TP53BP1: variants seen among roughly 807,000 people sequenced by gnomAD.
TP53BP1 encodes TP53-binding protein 1.
In TP53BP1, 61 loss-of-function variants were observed where a neutral mutation model predicts 200.8. That is an observed-to-expected ratio of 0.30 (90% CI 0.25 to 0.38). TP53BP1 has a LOEUF of 0.38. TP53BP1 is among the 10% of genes least tolerant of loss of function. TP53BP1 has a pLI of 1.00. For missense variants in TP53BP1, 2,144 were observed against 2,371.9 expected, an observed-to-expected ratio of 0.90 and a Z score of 2.00; for synonymous variants, 822 against 844.3, an observed-to-expected ratio of 0.97 and a Z score of 0.46.
At chr15:43,479,772 G>A in intron 6 of TP53BP1, 87 bp downstream of exon 6, 1 of 1,480,432 alleles carries the variant, frequency 6.8e-7, no homozygotes, top group Non-Finnish European at 9.2e-7. Context: ...AATTTGGATA[G>A]CTGCAAAACT....
chr15:43,439,370 C>T (rs182735799), intron 15 of TP53BP1, among the ~76,000 whole-genome samples: 9 of 152,288 alleles, frequency 5.9e-5, no homozygotes, highest in Admixed American at 5.9e-4. Context: ...GAAACCCCAT[C>T]TCTACTAAAA....
At chr15:43,459,337 CA>C (rs1297684155) in intron 11 of TP53BP1, among the ~76,000 whole-genome samples, 1 of 150,084 alleles carries the variant, frequency 6.7e-6, no homozygotes, top group Admixed American at 6.6e-5. Flanking sequence ...AGTCTGTCTC[CA>C]AAAAAAAGAT....
In TP53BP1 at chr15:43,421,035, T is replaced by G. The variant is rs895881796; in HGVS notation, c.4240A>C (p.Thr1414Pro). The change falls in exon 20 of 28, where the codon ACT becomes CCT. Residue 1414 changes from threonine (T) to proline (P), a missense_variant. This residue lies in a region of TP53BP1 where 1,700 missense variants were observed against 1,710.3 expected (regional missense o/e 0.99). Coordinates refer to ENST00000382044, the MANE Select transcript of TP53BP1 (RefSeq NM_001141980.3). The stretch of plus-strand genomic sequence containing the variant: ...ACACTACCCAGGTACCTGGTTCCAG[T>G]GGTCCGAGAAGGTGGGCGGCCCCTT... ...GRRGRPPSRT[T>P]GTRETAVPGP... is the part of the protein sequence containing the mutation. The G allele has an allele frequency of 7.4e-6, 12 of 1,612,634 alleles. No individual in the cohort carries two copies. The highest frequency in any genetic ancestry group is 1.0e-5 in the Non-Finnish European group (12 of 1,179,532).
chr15:43,450,269 C>T (rs753968177), intron 12 of TP53BP1, among the ~76,000 whole-genome samples: 66 of 152,308 alleles, frequency 4.3e-4, no homozygotes, highest in Admixed American at 2.2e-3. Flanking sequence ...GAAGGTCTCT[C>T]CTAACTTTCT....
rs766706895 is a variant in TP53BP1, at chr15:43,477,573, C to T, written c.955+20G>A. Reference sequence around the variant, plus strand: ...TTAGATCTTTGGAGAAGAGCTGTAACGACAAATCACTCTTGGTACCTGTTT... The same window carrying T: ...TTAGATCTTTGGAGAAGAGCTGTAATGACAAATCACTCTTGGTACCTGTTT... On this transcript the variant is annotated intron_variant, in intron 8 of 27. Transcript: ENST00000382044. The T allele has an allele frequency of 1.1e-5, 18 of 1,588,756 alleles. No individual in the cohort carries two copies. The highest frequency in any genetic ancestry group is 2.3e-5 in the South Asian group (2 of 86,350).
rs559743459 is a variant in TP53BP1, at chr15:43,460,683, A to G, written c.1390-3465T>C. 3.9e-5 allele frequency among the ~76,000 whole-genome samples: 6 copies of G among 152,292 alleles called. No individual in the cohort carries two copies. In the South Asian group the frequency reaches 1.2e-3, roughly 32 times the overall value. Reference sequence around the variant, plus strand: ...TTTATCCTATCAGATTGTAACAATGATCCTAAGTTTGAATCTGTTCATATA... The same window carrying G: ...TTTATCCTATCAGATTGTAACAATGGTCCTAAGTTTGAATCTGTTCATATA... On this transcript the variant is annotated intron_variant, in intron 11 of 27. Coordinates refer to ENST00000382044, the MANE Select transcript of TP53BP1 (RefSeq NM_001141980.3).
At chr15:43,410,045 C>G (rs1212143961) in intron 24 of TP53BP1, among the ~76,000 whole-genome samples, 1 of 152,218 alleles carries the variant, frequency 6.6e-6, no homozygotes, top group Non-Finnish European at 1.5e-5. Context: ...AATCATTTCC[C>G]ACAGTGACAT....
At chr15:43,425,048 T>A (rs1422228685) in intron 18 of TP53BP1, among the ~76,000 whole-genome samples, 1 of 152,220 alleles carries the variant, frequency 6.6e-6, no homozygotes, top group Non-Finnish European at 1.5e-5. Context: ...CCCCTGGCAA[T>A]GTGATACCCT....
intron 7 of TP53BP1, 124 bp from the exon 8 acceptor site, chr15:43,477,883 T>C (rs2078907541): frequency 4.5e-6 from 3 of 663,332 alleles, no homozygotes; most frequent in Non-Finnish European, 7.1e-6. Flanking sequence ...CTAATTTACA[T>C]AATTATATAT....
At chr15:43,498,997 T>A (rs756253813) in intron 1 of TP53BP1, among the ~76,000 whole-genome samples, 3 of 151,536 alleles carry the variant, frequency 2.0e-5, no homozygotes, top group Non-Finnish European at 4.4e-5. Context: ...AAGTTCATTT[T>A]GCAAATTAAA....
chr15:43,447,925 A>G (rs2046080830), intron 12 of TP53BP1, among the ~76,000 whole-genome samples: 1 of 152,244 alleles, frequency 6.6e-6, no homozygotes. Context: ...AGTCTGTAGG[A>G]TTCTCCAAAG....
In TP53BP1 at chr15:43,456,432, T is replaced by C. The variant is rs757011517; in HGVS notation, c.2176A>G (p.Ser726Gly). 6.3e-7 allele frequency: 1 copy of C among 1,577,670 alleles called. No individual in the cohort carries two copies. Among genetic ancestry groups the C allele is most frequent in the African/African-American group, 1.4e-5 (1 of 73,378 alleles). The change falls in exon 12 of 28, where the codon AGT becomes GGT. Residue 726 changes from serine to glycine, a missense_variant. Ser to Gly is a moderately conservative substitution (Grantham distance 56, BLOSUM62 0). This residue lies in a region of TP53BP1 where 1,700 missense variants were observed against 1,710.3 expected (regional missense o/e 0.99). Coordinates refer to ENST00000382044, the MANE Select transcript of TP53BP1 (RefSeq NM_001141980.3). The stretch of plus-strand genomic sequence containing the variant: ...TGAGGGGAATCAATACTAATCACAC[T>C]GGTTTCAACTTCCATAGCTTCTGAG... ...ECSEAMEVETSVISIDSPQKL... is the reference protein window; with the variant it reads ...ECSEAMEVETGVISIDSPQKL...
intron 24 of TP53BP1, among the ~76,000 whole-genome samples, chr15:43,410,577 G>T (rs2045085290): frequency 6.6e-6 from 1 of 150,984 alleles, no homozygotes; most frequent in Non-Finnish European, 1.5e-5. Context: ...GAAAAGAAAA[G>T]CAAGACATTA....
intron 11 of TP53BP1, among the ~76,000 whole-genome samples, chr15:43,468,164 C>T (rs934482514): frequency 2.0e-5 from 3 of 151,676 alleles, no homozygotes; most frequent in African/African-American, 7.3e-5. Flanking sequence ...GGTTCAAATG[C>T]TCCTCCCACC....
chr15:43,425,927 C>T (rs890569011), intron 18 of TP53BP1, among the ~76,000 whole-genome samples: 8 of 151,686 alleles, frequency 5.3e-5, no homozygotes, highest in East Asian at 2.0e-4. Flanking sequence ...TAGCCGGGCG[C>T]GGTGGCGGGC....
intron 14 of TP53BP1, among the ~76,000 whole-genome samples, chr15:43,443,563 G>A (rs938850151): frequency 6.6e-6 from 1 of 151,928 alleles, no homozygotes; most frequent in African/African-American, 2.4e-5. Context: ...ATGGGTGGTG[G>A]GCGTGCCTGT....
At chr15:43,465,382 G>T (rs1034522480) in intron 11 of TP53BP1, among the ~76,000 whole-genome samples, 5 of 151,950 alleles carry the variant, frequency 3.3e-5, no homozygotes, top group Admixed American at 6.6e-5. Context: ...AAACTGAATG[G>T]TATGTGAATT....
intron 23 of TP53BP1, among the ~76,000 whole-genome samples, chr15:43,414,312 T>C (rs965466063): frequency 3.9e-5 from 6 of 152,200 alleles, no homozygotes; most frequent in Non-Finnish European, 8.8e-5. Flanking sequence ...TTCATAAGGA[T>C]TGTATGTGAG....
chr15:43,487,642 A>G (rs1315622701), intron 4 of TP53BP1, among the ~76,000 whole-genome samples: 1 of 152,002 alleles, frequency 6.6e-6, no homozygotes, highest in Non-Finnish European at 1.5e-5. Context: ...AAAATACAAA[A>G]ATTAGCCAGG....
Sources: allele counts gnomAD v4.1 joint callset (sites outside exome capture counted in the v4.1 genomes callset), GRCh38; gene constraint gnomAD v4.1.1; regional missense constraint gnomAD v4.1.1; transcripts MANE v1.5; gene names NCBI Gene and HGNC (gene_info 2026-07-23, HGNC 2026-07-21).